Variants in NXPE4 observed in about 807,000 individuals in gnomAD.
NXPE4 encodes NXPE family member 4.
Under a neutral mutation model 33.3 loss-of-function variants are expected in NXPE4, and 42 were observed. The ratio of observed to expected loss-of-function variants is 1.26; its 90% CI spans 0.98 to 1.63. NXPE4 has a LOEUF of 1.63. Ranked by LOEUF, NXPE4 falls within the 40% of genes most tolerant of loss-of-function variation. The pLI, the probability that NXPE4 is intolerant of heterozygous loss-of-function variation, is 0.00. For synonymous variants in NXPE4, 253 were observed against 234.9 expected (o/e 1.08, Z -0.71); for missense variants, 709 against 647.6 (o/e 1.09, Z -1.03).
At chr11:114,641,582 G>C in the NXPE4 span, among the ~76,000 whole-genome samples, 3 of 152,048 alleles carry the variant, frequency 2.0e-5, no homozygotes, top group Non-Finnish European at 4.4e-5. Flanking sequence ...AATGTGCTAG[G>C]TGTCCAAGTC....
At chr11:114,633,363 T>A in the NXPE4 span, among the ~76,000 whole-genome samples, 1 of 143,662 alleles carries the variant, frequency 7.0e-6, no homozygotes, top group South Asian at 2.1e-4. Flanking sequence ...TTATATATAC[T>A]ATATAATATA....
chr11:114,662,663 G>C, the NXPE4 span, among the ~76,000 whole-genome samples: 1 of 152,184 alleles, frequency 6.6e-6, no homozygotes, highest in Admixed American at 6.5e-5. Context: ...GGGGAGGAGA[G>C]GGAAGAGTGG....
At chr11:114,631,525 G>T in the NXPE4 span, among the ~76,000 whole-genome samples, 1 of 121,892 alleles carries the variant, frequency 8.2e-6, no homozygotes, top group East Asian at 3.0e-4. Flanking sequence ...GACTGTTGTG[G>T]GGTGGGGGGA....
chr11:114,663,344 T>C, the NXPE4 span, among the ~76,000 whole-genome samples: 3 of 152,152 alleles, frequency 2.0e-5, no homozygotes, highest in Non-Finnish European at 4.4e-5. Flanking sequence ...AGCCTGCCAA[T>C]GTCTGGATTG....
At chr11:114,660,478 G>A in the NXPE4 span, among the ~76,000 whole-genome samples, 1 of 151,974 alleles carries the variant, frequency 6.6e-6, no homozygotes, top group African/African-American at 2.4e-5. Flanking sequence ...ATCAATCAAA[G>A]TAATCACCAT....
chr11:114,581,358 T>C lies in NXPE4; in HGVS notation c.892+367A>G, dbSNP rs185815521. Among the ~76,000 whole-genome samples, 50 of 152,196 alleles carry C rather than the reference T, an allele frequency of 3.3e-4. No homozygotes were observed. In the East Asian group the frequency reaches 8.5e-3, roughly 26 times the overall value. Reference sequence around the variant, plus strand: ...CAGGTTGGAAACCTCTAGATGGTGATGGGCTAGTGGTGATATGGGAAGAGG... The same window carrying C: ...CAGGTTGGAAACCTCTAGATGGTGACGGGCTAGTGGTGATATGGGAAGAGG... On this transcript the variant is annotated intron_variant, in intron 4 of 5. Transcript: ENST00000375478.
At chr11:114,669,982 C>T in the NXPE4 span, among the ~76,000 whole-genome samples, 1 of 151,988 alleles carries the variant, frequency 6.6e-6, no homozygotes, top group Non-Finnish European at 1.5e-5. Context: ...AGCTCCTTGA[C>T]AGTAACAAGC....
chr11:114,677,268 T>C, the NXPE4 span, among the ~76,000 whole-genome samples: 1 of 152,058 alleles, frequency 6.6e-6, no homozygotes, highest in Non-Finnish European at 1.5e-5. Flanking sequence ...GACTAGATCT[T>C]AAGCGTTCTC....
At chr11:114,628,371 C>T in the NXPE4 span, among the ~76,000 whole-genome samples, 2 of 152,186 alleles carry the variant, frequency 1.3e-5, no homozygotes, top group South Asian at 2.1e-4. Context: ...GAATCTCACT[C>T]AAAACCACTG....
At chr11:114,636,139 G>A in the NXPE4 span, among the ~76,000 whole-genome samples, 1 of 151,822 alleles carries the variant, frequency 6.6e-6, no homozygotes, top group Non-Finnish European at 1.5e-5. Flanking sequence ...CACAATTTCA[G>A]AGCCTGTTAT....
At chr11:114,663,663 C>T in the NXPE4 span, among the ~76,000 whole-genome samples, 5 of 117,056 alleles carry the variant, frequency 4.3e-5, no homozygotes, top group African/African-American at 1.6e-4. Context: ...ATCTATTTAT[C>T]TATCATCTAT....
At chr11:114,625,032 G>A in the NXPE4 span, among the ~76,000 whole-genome samples, 3 of 149,914 alleles carry the variant, frequency 2.0e-5, no homozygotes, top group Non-Finnish European at 4.5e-5. Context: ...TGTTGCCTCG[G>A]GGGTAAACAC....
the NXPE4 span, among the ~76,000 whole-genome samples, chr11:114,614,006 T>A: frequency 6.6e-6 from 1 of 151,724 alleles, no homozygotes. Flanking sequence ...TGTTACCCAG[T>A]GGAAAATAAG....
chr11:114,640,046 A>G, the NXPE4 span, among the ~76,000 whole-genome samples: 1 of 119,910 alleles, frequency 8.3e-6, no homozygotes, highest in African/African-American at 3.4e-5. Flanking sequence ...ATATTATTTT[A>G]TAATATATAA....
At chr11:114,642,321 T>C in the NXPE4 span, among the ~76,000 whole-genome samples, 1 of 152,020 alleles carries the variant, frequency 6.6e-6, no homozygotes, top group African/African-American at 2.4e-5. Flanking sequence ...TTTGTAGTTC[T>C]CCACATGTGC....
At chr11:114,617,484 C>T in the NXPE4 span, among the ~76,000 whole-genome samples, 1 of 152,134 alleles carries the variant, frequency 6.6e-6, no homozygotes, top group Middle Eastern at 3.4e-3. Context: ...TCAAATGTTG[C>T]CTCGTGGGTA....
the NXPE4 span, among the ~76,000 whole-genome samples, chr11:114,622,200 A>ACCTGGTGGATAATAAGTGTTGCCT: frequency 9.5e-6 from 1 of 104,830 alleles, no homozygotes; most frequent in African/African-American, 3.0e-5. Context: ...AACCACTATT[A>ACCTGGTGGATAATAAGTGTTGCCT]CCTGGTGGAT....
chr11:114,653,979 T>TGGAA, the NXPE4 span, among the ~76,000 whole-genome samples: 1 of 152,112 alleles, frequency 6.6e-6, no homozygotes, highest in Non-Finnish European at 1.5e-5. Context: ...GAGGCATACT[T>TGGAA]GGAAGGAAGG....
the NXPE4 span, among the ~76,000 whole-genome samples, chr11:114,656,851 G>C: frequency 6.6e-6 from 1 of 152,122 alleles, no homozygotes; most frequent in Admixed American, 6.5e-5. Flanking sequence ...CCAGCACTTT[G>C]GGAGGCCGAG....
Sources: gnomAD v4.1 joint callset for allele counts (sites outside exome capture counted in the v4.1 genomes callset) on GRCh38, gnomAD v4.1.1 for gene constraint, MANE v1.5 for transcripts, NCBI Gene and HGNC (gene_info 2026-07-23, HGNC 2026-07-21) for gene names.